Variants in HEATR5A observed in about 807,000 individuals in gnomAD.
HEATR5A encodes HEAT repeat-containing protein 5A.
HEATR5A carries 178 observed loss-of-function variants against 218.8 expected under a neutral mutation model. The ratio of observed to expected loss-of-function variants is 0.81; its 90% confidence interval spans 0.72 to 0.92. The LOEUF (loss-of-function observed/expected upper bound fraction) is 0.92. Ranked by LOEUF, HEATR5A falls within the 40% of genes least tolerant of loss-of-function variation. The pLI, the probability that HEATR5A is intolerant of heterozygous loss-of-function variation, is 0.00. For synonymous variants in HEATR5A, 864 were observed against 871.6 expected, an observed-to-expected ratio of 0.99 and a Z score of 0.15; for missense variants, 2,420 against 2,418.9, an observed-to-expected ratio of 1.00 and a Z score of -0.01.
In HEATR5A at chr14:31,307,991, GTAAGGAACATAGAAATTCCAC is replaced by G; in HGVS notation, c.4699_4719del (p.Val1567_Leu1573del). The G allele has an allele frequency of 1.9e-6, 3 of 1,613,048 alleles. No homozygotes were observed. The highest frequency in any genetic ancestry group is 2.5e-6 in the Non-Finnish European group (3 of 1,179,530). ...ATGCTTTCCATGGTTGCATCTGAACGTAAGGAACATAGAAATTCCACGCTGATTCCTGTGGAAAGCAAAAAA... is the reference window on the plus strand; with the variant it reads ...ATGCTTTCCATGGTTGCATCTGAACGGCTGATTCCTGTGGAAAGCAAAAAA... On this transcript the variant is annotated inframe_deletion, in exon 30 of 36. Coordinates refer to ENST00000543095, the MANE Select transcript of HEATR5A (RefSeq NM_015473.4).
intron 1 of HEATR5A, among the ~76,000 whole-genome samples, chr14:31,415,601 T>C (rs2041144051): frequency 6.6e-6 from 1 of 152,258 alleles, no homozygotes; most frequent in Non-Finnish European, 1.5e-5. Context: ...AGGGATTTTG[T>C]ACGTGTATAT....
At chr14:31,401,717 T>A (rs1192995253) in intron 2 of HEATR5A, among the ~76,000 whole-genome samples, 1 of 152,182 alleles carries the variant, frequency 6.6e-6, no homozygotes, top group Non-Finnish European at 1.5e-5. Context: ...AGCATCTGAG[T>A]TACTAATCCT....
chr14:31,356,164 A>C (rs923136415), intron 16 of HEATR5A, among the ~76,000 whole-genome samples: 1 of 152,208 alleles, frequency 6.6e-6, no homozygotes, highest in Non-Finnish European at 1.5e-5. Flanking sequence ...TGGTTCTGTA[A>C]CGACACCTAC....
intron 16 of HEATR5A, among the ~76,000 whole-genome samples, chr14:31,355,821 C>T (rs115437447): frequency 1.1e-3 from 172 of 152,338 alleles, no homozygotes; most frequent in African/African-American, 4.1e-3. Flanking sequence ...TAGAACCCTA[C>T]AGTCAGAATA....
intron 22 of HEATR5A, among the ~76,000 whole-genome samples, chr14:31,330,130 T>C (rs755565895): frequency 8.5e-5 from 13 of 152,252 alleles, no homozygotes; most frequent in Non-Finnish European, 1.5e-4. Flanking sequence ...CCATGAGGGC[T>C]TCACCCCTGC....
intron 28 of HEATR5A, 130 bp downstream of exon 28, chr14:31,312,838 C>T: frequency 1.4e-6 from 1 of 715,036 alleles, no homozygotes. Context: ...GCAGAGGTTG[C>T]AGTGAGCCAA....
Position 31,323,855 on chromosome 14 carries a change from T to C in HEATR5A, c.3548-51A>G, listed in dbSNP as rs996476865. The C allele has an allele frequency of 7.4e-6, 9 of 1,222,932 alleles. No homozygotes were observed. In the Admixed American group the frequency reaches 1.8e-4, roughly 25 times the overall value. The allele number at this position is 1,222,932 out of a possible 1,614,324, so 75.8% of individuals were successfully genotyped here. ...ATTATAATCAACTGAAAGATATATA[T>C]ATATATATCAAAAGGAACAAAAAAA... On this transcript the variant is annotated intron_variant, in intron 23 of 35. Transcript: ENST00000543095.
In HEATR5A at chr14:31,387,122, A is replaced by C. The variant is rs780812160; in HGVS notation, c.1187T>G (p.Met396Arg). 1 of 1,613,988 alleles carries C rather than the reference A, an allele frequency of 6.2e-7. No homozygotes were observed. The highest frequency in any genetic ancestry group is 8.5e-7 in the Non-Finnish European group (1 of 1,179,876). ...ACTGTCTTAGTAGAGATCCATACCC[A>C]TAACTTTCTTTAGCTTCCAGATGGC... ...CQAIWKLKKV[M>R]DAVMSDGNLE... Residue 396 changes from methionine to arginine, a missense_variant and splice_region_variant, in exon 8 of 36, where the codon ATG becomes AGG. Transcript: ENST00000543095.
chr14:31,405,059 C>CAA (rs386381028), intron 1 of HEATR5A, among the ~76,000 whole-genome samples: 87,992 of 97,896 alleles, frequency 0.9, 40,331 homozygotes, highest in East Asian at 0.97. Context: ...CTGTCTCCAC[C>CAA]AAAAAAAAAA....
chr14:31,329,636 G>C (rs557309853), intron 22 of HEATR5A, among the ~76,000 whole-genome samples: 2 of 152,184 alleles, frequency 1.3e-5, no homozygotes, highest in Non-Finnish European at 2.9e-5. Flanking sequence ...CACAGCTGGC[G>C]TTGAGTATAT....
intron 22 of HEATR5A, among the ~76,000 whole-genome samples, chr14:31,333,973 G>A (rs1294944179): frequency 2.0e-5 from 3 of 148,422 alleles, no homozygotes; most frequent in Non-Finnish European, 4.4e-5. Flanking sequence ...GGAAAGTAGA[G>A]GCTGAAGTGA....
rs552349462 is a variant in HEATR5A at position 31,315,394 on chromosome 14, C to T, written c.4218+376G>A. On this transcript the variant is annotated intron_variant, in intron 27 of 35. Coordinates refer to ENST00000543095, the MANE Select transcript of HEATR5A (RefSeq NM_015473.4). Reference sequence around the variant, plus strand: ...TTATCCTTGGAAAATAAAATAACGACTACTTACTATTCAAAAATCATTCTA... The same window carrying T: ...TTATCCTTGGAAAATAAAATAACGATTACTTACTATTCAAAAATCATTCTA... 9.9e-5 allele frequency among the ~76,000 whole-genome samples: 15 copies of T among 152,284 alleles called. 1 individual carries two copies. In the South Asian group the frequency reaches 2.7e-3, roughly 27 times the overall value.
At chr14:31,393,820 T>TA (rs1299293836) in intron 6 of HEATR5A, among the ~76,000 whole-genome samples, 1 of 152,182 alleles carries the variant, frequency 6.6e-6, no homozygotes, top group Non-Finnish European at 1.5e-5. Context: ...AGCTAATTTT[T>TA]GTATTTTTAG....
At chr14:31,294,735 GCAAAA>G (rs960545036) in intron 34 of HEATR5A, among the ~76,000 whole-genome samples, 3 of 151,852 alleles carry the variant, frequency 2.0e-5, no homozygotes, top group African/African-American at 4.8e-5. Context: ...TGGGTAGAAA[GCAAAA>G]CAAAACAAAA....
intron 6 of HEATR5A, among the ~76,000 whole-genome samples, chr14:31,393,168 T>C (rs1158509734): frequency 6.6e-6 from 1 of 152,126 alleles, no homozygotes; most frequent in East Asian, 1.9e-4. Context: ...TTAGATCATA[T>C]CGTTTATTGG....
At chr14:31,375,040 A>G in intron 11 of HEATR5A, 72 bp from the exon 12 acceptor site, 1 of 1,229,158 alleles carries the variant, frequency 8.1e-7, no homozygotes, top group Non-Finnish European at 1.1e-6. Context: ...ATTATTAAGC[A>G]GCAACTTCTC....
At chr14:31,312,048 A>G (rs1899772801) in intron 28 of HEATR5A, among the ~76,000 whole-genome samples, 1 of 152,176 alleles carries the variant, frequency 6.6e-6, no homozygotes, top group Non-Finnish European at 1.5e-5. Context: ...GGTACAGGTA[A>G]CCAAAGGAAC....
chr14:31,318,631 C>T (rs1415253627), intron 25 of HEATR5A, among the ~76,000 whole-genome samples: 3 of 152,148 alleles, frequency 2.0e-5, no homozygotes, highest in Admixed American at 6.5e-5. Flanking sequence ...GCTGGGATTA[C>T]AGGTGCCTGC....
chr14:31,335,965 A>G (rs1343674160), intron 22 of HEATR5A, among the ~76,000 whole-genome samples: 1 of 84,448 alleles, frequency 1.2e-5, no homozygotes, highest in Non-Finnish European at 2.3e-5. Flanking sequence ...AGGGTGTAAG[A>G]TAATTACCTT....
Sources: allele counts gnomAD v4.1 joint callset (sites outside exome capture counted in the v4.1 genomes callset), GRCh38; gene constraint gnomAD v4.1.1; transcripts MANE v1.5; gene names NCBI Gene and HGNC (gene_info 2026-07-23, HGNC 2026-07-21).